Variants in NAP1L4 observed in about 807,000 individuals in gnomAD.
The protein encoded by NAP1L4 is nucleosome assembly protein 1-like 4.
A neutral mutation model predicts 58.2 loss-of-function variants in NAP1L4; 15 were observed. The observed-to-expected ratio is 0.26, with a 90% CI of 0.17 to 0.40. The LOEUF is 0.40. Ranked by LOEUF, NAP1L4 falls within the 10% of genes least tolerant of loss-of-function variation. NAP1L4 has a pLI of 1.00. For missense variants in NAP1L4, 384 were observed against 451.1 expected (o/e 0.85, Z 1.35); for synonymous variants, 171 against 155.6 (o/e 1.10, Z -0.74).
intron 3 of NAP1L4, 77 bp downstream of exon 3, chr11:2,978,207 C>G: frequency 7.2e-7 from 1 of 1,395,204 alleles, no homozygotes; most frequent in Non-Finnish European, 1.0e-6. Flanking sequence ...GAATCCTTTA[C>G]TTGCATTAAT....
At position 2,976,074 on chromosome 11, in the gene NAP1L4, T is replaced by C. The variant is rs1425756117; in HGVS notation, c.123A>G (p.Leu41=). Residue 41 remains leucine (L), a synonymous_variant, in exon 4 of 16, where the codon TTA becomes TTG. Coordinates refer to ENST00000380542, the MANE Select transcript of NAP1L4 (RefSeq NM_005969.4). ...GAGGGACATTGTCAAGTCGCTCCTGTAAAGCTGCCAGAACTCGAGGATTCT... is the reference window on the plus strand; with the variant it reads ...GAGGGACATTGTCAAGTCGCTCCTGCAAAGCTGCCAGAACTCGAGGATTCT... ...VMQNPRVLAA[L]QERLDNVPHT... 2 of 1,614,112 alleles carry C rather than the reference T, an allele frequency of 1.2e-6. No homozygotes were observed. Among genetic ancestry groups the C allele is most frequent in the Non-Finnish European group, 1.7e-6 (2 of 1,180,010 alleles).
intron 12 of NAP1L4, chr11:2,952,665 C>T (rs530875060): frequency 2.6e-5 from 4 of 152,272 alleles, no homozygotes; most frequent in Admixed American, 6.5e-5. Flanking sequence ...AGCGCCCTTC[C>T]GCTCTAAGGA....
chr11:2,958,322 G>T, intron 10 of NAP1L4, 77 bp downstream of exon 10: 1 of 1,435,070 alleles, frequency 7.0e-7, no homozygotes, highest in Non-Finnish European at 9.8e-7. Flanking sequence ...TAAAGTCTCT[G>T]GGTGTTAGGA....
chr11:2,977,934 G>T (rs1848063174), intron 3 of NAP1L4, among the ~76,000 whole-genome samples: 1 of 151,176 alleles, frequency 6.6e-6, no homozygotes. Flanking sequence ...CTGGGAGGCT[G>T]CGGCAGGAAA....
intron 1 of NAP1L4, among the ~76,000 whole-genome samples, chr11:2,987,617 C>T (rs548131391): frequency 1.0e-3 from 154 of 151,296 alleles, no homozygotes; most frequent in Non-Finnish European, 1.8e-3. Context: ...ATTACCCAGG[C>T]GTGGTGGTGA....
chr11:2,960,049 C>G (rs1846773070), intron 8 of NAP1L4, 140 bp from the exon 9 acceptor site: 2 of 849,098 alleles, frequency 2.4e-6, no homozygotes, highest in Non-Finnish European at 3.6e-6. Context: ...AACTTCTCCA[C>G]CGCAAAAAAG....
At chr11:2,965,162 G>A (rs1847187064) in intron 7 of NAP1L4, among the ~76,000 whole-genome samples, 2 of 152,392 alleles carry the variant, frequency 1.3e-5, no homozygotes, top group South Asian at 4.1e-4. Flanking sequence ...GAAGTCAGAA[G>A]AGAAGGCTAG....
Position 2,950,033 on chromosome 11 carries a change from C to T in NAP1L4, c.1123-769G>A, listed in dbSNP as rs943789708. 6.6e-5 allele frequency among the ~76,000 whole-genome samples: 10 copies of T among 152,366 alleles called. No homozygotes were observed. The East Asian group carries it at 1.7e-3, about 26-fold the overall frequency. ...GTGGCCCTTGGGTCCATCAGACACCCCGCACAGCAGTGATGGGCAGCATTT... is the reference window on the plus strand; with the variant it reads ...GTGGCCCTTGGGTCCATCAGACACCTCGCACAGCAGTGATGGGCAGCATTT... On this transcript the variant is annotated intron_variant, in intron 14 of 15. Coordinates refer to ENST00000380542, the MANE Select transcript of NAP1L4 (RefSeq NM_005969.4).
Position 2,951,435 on chromosome 11 carries a change from C to T in NAP1L4, c.1066-120G>A, listed in dbSNP as rs2133903278. On this transcript the variant is annotated intron_variant, in intron 13 of 15. Coordinates refer to ENST00000380542, the MANE Select transcript of NAP1L4 (RefSeq NM_005969.4). The surrounding 1 kb of genome is among the most constrained non-coding windows in gnomAD (Gnocchi z 4.0). ...GATGGAAATCAATTACTGCTACCCA[C>T]AAGTGACTCATCACTTCCTTTGGAC... The T allele has an allele frequency of 1.2e-6, 1 of 812,998 alleles. No individual in the cohort carries two copies. Among genetic ancestry groups the T allele is most frequent in the Non-Finnish European group, 2.1e-6 (1 of 475,244 alleles). 50.4% of individuals were successfully genotyped at this position (812,998 alleles called of 1,614,324 possible).
chr11:2,952,807 G>A (rs998874494), intron 12 of NAP1L4: 1 of 152,276 alleles, frequency 6.6e-6, no homozygotes, highest in African/African-American at 2.4e-5. Context: ...AAGGGGCTGT[G>A]CACAGGGGCT....
chr11:2,981,418 CAAAAAAAAA>C (rs35499396), intron 1 of NAP1L4, among the ~76,000 whole-genome samples: 12 of 41,280 alleles, frequency 2.9e-4, no homozygotes, highest in South Asian at 1.4e-3. Context: ...TACCCTGTCT[CAAAAAAAAA>C]AAAAAAAAAA....
chr11:2,956,138 C>T (rs1017532242), intron 10 of NAP1L4, among the ~76,000 whole-genome samples: 1 of 152,186 alleles, frequency 6.6e-6, no homozygotes, highest in Non-Finnish European at 1.5e-5. Context: ...ACTCATGTCC[C>T]GCAGAACTAT....
Position 2,954,033 on chromosome 11 carries a change from G to A in NAP1L4, c.1035+494C>T, listed in dbSNP as rs1281918105. 6.6e-6 allele frequency among the ~76,000 whole-genome samples: 1 copy of A among 152,214 alleles called. No homozygotes were observed. Among genetic ancestry groups the A allele is most frequent in the Non-Finnish European group, 1.5e-5 (1 of 68,040 alleles). ...GCTGGCTTCCCTCAAGCCCAGAAAG[G>A]AAAGTGACATGCAATCTTGTTGTTT... On this transcript the variant is annotated intron_variant, in intron 12 of 15. Transcript: ENST00000380542. The surrounding 1 kb of genome is among the most constrained non-coding windows in gnomAD (Gnocchi z 4.8).
chr11:2,975,628 A>G (rs542209479), intron 4 of NAP1L4, among the ~76,000 whole-genome samples: 1 of 151,882 alleles, frequency 6.6e-6, no homozygotes, highest in African/African-American at 2.4e-5. Flanking sequence ...ACTCATAGGC[A>G]TGCGGCACTA....
rs1848209365 is a variant in NAP1L4 at position 2,979,958 on chromosome 11, C to T, written c.-17-721G>A. Among the ~76,000 whole-genome samples, 3 of 152,042 alleles carry T rather than the reference C, an allele frequency of 2.0e-5. No individual in the cohort carries two copies. In the South Asian group the frequency reaches 6.2e-4, roughly 31 times the overall value. On this transcript the variant is annotated intron_variant, in intron 1 of 15. Coordinates refer to ENST00000380542, the MANE Select transcript of NAP1L4 (RefSeq NM_005969.4). ...ACTGGTGTTTACACTTTCAAATTAA[C>T]TTATGGGATTATTTTCTAATTGCAT...
At chr11:2,977,866 T>TAAA (rs34636304) in intron 3 of NAP1L4, among the ~76,000 whole-genome samples, 3 of 138,354 alleles carry the variant, frequency 2.2e-5, no homozygotes, top group East Asian at 2.1e-4. Flanking sequence ...GGTATAGACT[T>TAAA]AAAAAAAAAA....
chr11:2,970,868 A>C (rs1169754503), intron 6 of NAP1L4, among the ~76,000 whole-genome samples: 7 of 150,866 alleles, frequency 4.6e-5, no homozygotes, highest in African/African-American at 1.7e-4. Flanking sequence ...CAAAAAAAAA[A>C]CTGCAAAAAG....
Position 2,955,807 on chromosome 11 carries a change from C to G in NAP1L4, c.893-41G>C, listed in dbSNP as rs1846506611. ...ACAAAACATATTTAAATTACAGTGA[C>G]AACTCCCAGAATTTTAAAGCCCACA... is the stretch of plus-strand genomic sequence containing the variant. On this transcript the variant is annotated intron_variant, in intron 10 of 15. Transcript: ENST00000380542. The surrounding 1 kb of genome is among the most constrained non-coding windows in gnomAD (Gnocchi z 4.2). The G allele has an allele frequency of 6.3e-7, 1 of 1,592,040 alleles. No homozygotes were observed. The highest frequency in any genetic ancestry group is 1.3e-5 in the African/African-American group (1 of 74,176).
intron 7 of NAP1L4, among the ~76,000 whole-genome samples, chr11:2,965,469 G>A (rs576944897): frequency 5.9e-5 from 9 of 152,148 alleles, no homozygotes; most frequent in Admixed American, 1.3e-4. Flanking sequence ...TTACAGGACC[G>A]CCATCCTATA....
Sources: allele counts gnomAD v4.1 joint callset (sites outside exome capture counted in the v4.1 genomes callset), GRCh38; gene constraint gnomAD v4.1.1; non-coding constraint Gnocchi (gnomAD v3.1); transcripts MANE v1.5; gene names NCBI Gene and HGNC (gene_info 2026-07-23, HGNC 2026-07-21).